The following EPHA7 variants were observed in gnomAD, a reference collection of about 807,000 sequenced individuals.
EPHA7 encodes ephrin type-A receptor 7.
In EPHA7, 25 loss-of-function variants were observed where a neutral mutation model predicts 112.6. The observed-to-expected ratio is 0.22, with a 90% confidence interval of 0.16 to 0.31. The LOEUF (loss-of-function observed/expected upper bound fraction) is 0.31, where lower values mean the gene tolerates loss of function less well. Among genes scored for constraint, EPHA7 ranks in the 10% least tolerant of loss-of-function variants. The pLI, the probability that EPHA7 is intolerant of heterozygous loss-of-function variation, is 1.00. For missense variants in EPHA7, 962 were observed against 1,212.6 expected (o/e 0.79, Z 3.07); for synonymous variants, 437 against 406.5 (o/e 1.07, Z -0.90).
chr6:93,244,662 C>G (rs1769865325), intron 16 of EPHA7, among the ~76,000 whole-genome samples: 1 of 151,800 alleles, frequency 6.6e-6, no homozygotes, highest in African/African-American at 2.4e-5. Flanking sequence ...GTTGCTTTAT[C>G]AGGTCATTTT....
chr6:93,375,482 A>C (rs1361453368), intron 3 of EPHA7, among the ~76,000 whole-genome samples: 2 of 151,660 alleles, frequency 1.3e-5, no homozygotes, highest in African/African-American at 4.8e-5. Context: ...AAATAGTGAG[A>C]TGGCATGTGC....
At chr6:93,384,804 C>A (rs1777519794) in intron 3 of EPHA7, among the ~76,000 whole-genome samples, 1 of 152,000 alleles carries the variant, frequency 6.6e-6, no homozygotes, top group Admixed American at 6.6e-5. Context: ...TAAAATATTT[C>A]TTGTAATTTA....
At chr6:93,339,872 G>A (rs190086637) in intron 5 of EPHA7, among the ~76,000 whole-genome samples, 1 of 151,696 alleles carries the variant, frequency 6.6e-6, no homozygotes, top group East Asian at 1.9e-4. Context: ...ATACTAAACT[G>A]GACCCTATTT....
In EPHA7 at chr6:93,367,850, T is replaced by C. The variant is rs561701540; in HGVS notation, c.833-9439A>G. On this transcript the variant is annotated intron_variant, in intron 3 of 16. Coordinates refer to ENST00000369303, the MANE Select transcript of EPHA7 (RefSeq NM_004440.4). The stretch of plus-strand genomic sequence containing the variant: ...TCAATAATTAGTTAAGTACTGTGAC[T>C]ATTTTACAATGTCAATTTCCAAGCA... 2.6e-5 allele frequency among the ~76,000 whole-genome samples: 4 copies of C among 152,322 alleles called. No individual in the cohort carries two copies. The South Asian group carries it at 8.3e-4, about 32-fold the overall frequency.
Position 93,296,383 on chromosome 6 carries a change from CCTAA to C in EPHA7, c.1325-23965_1325-23962del, listed in dbSNP as rs200734169. The stretch of plus-strand genomic sequence containing the variant: ...TACAATAGTCAAGTCAAGGAAATAA[CCTAA>C]CTATCTGTTGGTGACTGGATAAACT... On this transcript the variant is annotated intron_variant, in intron 5 of 16. Transcript: ENST00000369303. Among the ~76,000 whole-genome samples the C allele has an allele frequency of 8.5e-3, 1,262 of 149,018 alleles. 32 individuals are homozygous for C. Among genetic ancestry groups the C allele is most frequent in the Admixed American group, 0.062 (927 of 14,860 alleles).
intron 5 of EPHA7, among the ~76,000 whole-genome samples, chr6:93,347,646 C>T (rs536178702): frequency 6.6e-6 from 1 of 151,962 alleles, no homozygotes; most frequent in East Asian, 1.9e-4. Context: ...AATTTGTTTT[C>T]TCACAGTTCT....
chr6:93,284,711 C>CTGGAAACCATCATTCTCAGATGA (rs1417595653), intron 5 of EPHA7, among the ~76,000 whole-genome samples: 27 of 152,096 alleles, frequency 1.8e-4, no homozygotes, highest in African/African-American at 6.0e-4. Flanking sequence ...ATGGATGACA[C>CTGGAAACCATCATTCTCAGATGA]TGGAAACCAT....
chr6:93,386,305 G>T (rs1409479916), intron 3 of EPHA7, among the ~76,000 whole-genome samples: 1 of 152,186 alleles, frequency 6.6e-6, no homozygotes, highest in African/African-American at 2.4e-5. Flanking sequence ...TACAGGCATT[G>T]GGTTAATAAA....
At chr6:93,264,515 T>C in intron 8 of EPHA7, 79 bp downstream of exon 8, 1 of 825,960 alleles carries the variant, frequency 1.2e-6, no homozygotes, top group South Asian at 1.9e-5. Flanking sequence ...AAAATTTTAT[T>C]ACACTAAGTA....
chr6:93,355,276 GC>G (rs1286563597), intron 5 of EPHA7, among the ~76,000 whole-genome samples: 1 of 151,974 alleles, frequency 6.6e-6, no homozygotes, highest in African/African-American at 2.4e-5. Flanking sequence ...GATTCAAACA[GC>G]CTTTGAAATA....
At chr6:93,359,792 T>A (rs1335628618) in intron 3 of EPHA7, among the ~76,000 whole-genome samples, 1 of 151,546 alleles carries the variant, frequency 6.6e-6, no homozygotes, top group Non-Finnish European at 1.5e-5. Context: ...TTTTATATAA[T>A]TTAAAGACTC....
intron 5 of EPHA7, among the ~76,000 whole-genome samples, chr6:93,312,441 G>A (rs1396252059): frequency 6.6e-6 from 1 of 151,718 alleles, no homozygotes; most frequent in Non-Finnish European, 1.5e-5. Context: ...ACCCTTGCTA[G>A]CATCTAACTT....
rs1777560267 is a variant in EPHA7, at chr6:93,385,612, CAAT to C, written c.832+24886_832+24888del. ...TTATTAATGAGACTGAAGAATGAGACAATGATGGGTAATTTTGTCTTGTTCTAC... is the reference window on the plus strand; with the variant it reads ...TTATTAATGAGACTGAAGAATGAGACGATGGGTAATTTTGTCTTGTTCTAC... On this transcript the variant is annotated intron_variant, in intron 3 of 16. Transcript: ENST00000369303. 2.0e-5 allele frequency among the ~76,000 whole-genome samples: 3 copies of C among 151,970 alleles called. No individual in the cohort carries two copies. The South Asian group carries it at 6.2e-4, about 32-fold the overall frequency.
At position 93,255,868 on chromosome 6, in the gene EPHA7, C is replaced by A. The variant is rs372024057; in HGVS notation, c.2342G>T (p.Arg781Leu). 6.2e-7 allele frequency: 1 copy of A among 1,614,028 alleles called. No homozygotes were observed. Residue 781 changes from arginine to leucine, a missense_variant, in exon 13 of 17, where the codon CGA becomes CTA. Physicochemically the swap from Arg to Leu is moderately radical, Grantham distance 102. Coordinates refer to ENST00000369303, the MANE Select transcript of EPHA7 (RefSeq NM_004440.4). ...VCKVSDFGLS[R>L]VIEDDPEAVY... ...AGCTTCTGGATCATCCTCTATAACT[C>A]GGGACAGGCCAAAATCTGACACTTT...
intron 5 of EPHA7, among the ~76,000 whole-genome samples, chr6:93,342,361 C>T (rs1227394037): frequency 1.3e-5 from 2 of 151,640 alleles, no homozygotes; most frequent in Non-Finnish European, 2.9e-5. Context: ...CCATTAGGAC[C>T]ATAGTTACAA....
At position 93,243,387 on chromosome 6, in the gene EPHA7, T is replaced by C. The variant is rs1269787881; in HGVS notation, c.*39A>G. On this transcript the variant is annotated 3_prime_UTR_variant, in exon 17 of 17. Transcript: ENST00000369303. ...TATACTGAAGGCCAGTACTGTTCTC[T>C]TGCAGTCTGTAATCTCCCTTAAAAG... 6.7e-7 allele frequency: 1 copy of C among 1,482,838 alleles called. No homozygotes were observed. The highest frequency in any genetic ancestry group is 9.4e-7 in the Non-Finnish European group (1 of 1,062,070). 91.9% of individuals were successfully genotyped at this position (1,482,838 alleles called of 1,614,324 possible). A position where few individuals can be genotyped will look rare whatever the true frequency, so the allele number is the denominator to read the frequency against.
At chr6:93,326,252 C>A (rs1774313825) in intron 5 of EPHA7, among the ~76,000 whole-genome samples, 2 of 151,332 alleles carry the variant, frequency 1.3e-5, no homozygotes, top group African/African-American at 4.8e-5. Flanking sequence ...CAGCCCTCAG[C>A]AAATTACCTG....
intron 3 of EPHA7, among the ~76,000 whole-genome samples, chr6:93,361,471 T>C (rs188705762): frequency 2.0e-5 from 3 of 151,442 alleles, no homozygotes; most frequent in African/African-American, 7.3e-5. Flanking sequence ...GAAATTGTGA[T>C]AAGATATCTA....
At chr6:93,289,708 A>G (rs1459141166) in intron 5 of EPHA7, among the ~76,000 whole-genome samples, 1 of 152,248 alleles carries the variant, frequency 6.6e-6, no homozygotes, top group Non-Finnish European at 1.5e-5. Context: ...ATTTTAAACA[A>G]ATATTCCAAA....
Sources: allele counts gnomAD v4.1 joint callset (sites outside exome capture counted in the v4.1 genomes callset), GRCh38; gene constraint gnomAD v4.1.1; transcripts MANE v1.5; gene names NCBI Gene and HGNC (gene_info 2026-07-23, HGNC 2026-07-21).